ZNF100: variants seen among roughly 807,000 people sequenced by gnomAD.
ZNF100 encodes the protein zinc finger protein 100 (Y1).
Under a neutral mutation model 15.8 loss-of-function variants are expected in ZNF100, and 12 were observed. The ratio of observed to expected loss-of-function variants is 0.76; its 90% CI spans 0.49 to 1.23. The LOEUF (loss-of-function observed/expected upper bound fraction) is 1.23. ZNF100 is among the 50% of genes most tolerant of loss of function. ZNF100 has a pLI of 0.00. For synonymous variants in ZNF100, 226 were observed against 214.8 expected (o/e 1.05, Z -0.45); for missense variants, 670 against 635.6 (o/e 1.05, Z -0.58).
At chr19:21,752,120 T>C (rs771852254) in intron 2 of ZNF100, 2 of 174,558 alleles carry the variant, frequency 1.1e-5, no homozygotes, top group Non-Finnish European at 2.4e-5. Flanking sequence ...CACTCTTCTG[T>C]CCTTTTTAAT....
At chr19:21,743,853 C>CAAA (rs55874930) in intron 4 of ZNF100, among the ~76,000 whole-genome samples, 164 bp downstream of exon 4, 16 of 96,626 alleles carry the variant, frequency 1.7e-4, no homozygotes, top group African/African-American at 5.7e-4. Flanking sequence ...ACGTGACAGC[C>CAAA]AAAAAAAAAA....
At chr19:21,751,898 C>G (rs891091053) in intron 2 of ZNF100, 13 of 610,844 alleles carry the variant, frequency 2.1e-5, no homozygotes, top group East Asian at 1.3e-4. Flanking sequence ...GTATTCAGCA[C>G]TCTAAAGCCA....
At chr19:21,734,283 G>A (rs948977250) in intron 4 of ZNF100, among the ~76,000 whole-genome samples, 4 of 151,832 alleles carry the variant, frequency 2.6e-5, no homozygotes, top group African/African-American at 7.2e-5. Context: ...AATGAAGCAT[G>A]TTCTAACCCA....
chr19:21,751,347 C>G lies in ZNF100; in HGVS notation c.97-6280G>C, dbSNP rs2036303724. The G allele has an allele frequency of 3.4e-5, 28 of 829,026 alleles. No homozygotes were observed. In the East Asian group the frequency reaches 6.8e-4, roughly 20 times the overall value. The allele number at this position is 829,026 out of a possible 1,614,324, so 51.4% of individuals were successfully genotyped here. On this transcript the variant is annotated intron_variant, in intron 2 of 4. Coordinates refer to ENST00000358296, the MANE Select transcript of ZNF100 (RefSeq NM_173531.4). The stretch of plus-strand genomic sequence containing the variant: ...TCCCTGGATATTTTTGATGAGAGAT[C>G]ACATCCCCTCACACGAGAAAAAGTT...
At chr19:21,733,893 C>CT (rs1318718097) in intron 4 of ZNF100, among the ~76,000 whole-genome samples, 2 of 152,282 alleles carry the variant, frequency 1.3e-5, no homozygotes, top group Non-Finnish European at 1.5e-5. Context: ...ACACACTCCA[C>CT]TGGTGACACC....
chr19:21,735,230 G>C (rs1449545721), intron 4 of ZNF100, among the ~76,000 whole-genome samples: 5 of 152,084 alleles, frequency 3.3e-5, no homozygotes. Context: ...TGGACTGAAT[G>C]CTCCAATTAA....
intron 2 of ZNF100, chr19:21,751,517 G>A (rs1272131715): frequency 9.0e-6 from 10 of 1,112,228 alleles, no homozygotes; most frequent in Non-Finnish European, 1.4e-5. Context: ...TGCTGAAATC[G>A]ACATTTGCCC....
chr19:21,767,400 T>A, intron 1 of ZNF100, 27 bp downstream of exon 1: 1 of 1,608,646 alleles, frequency 6.2e-7, no homozygotes, highest in Non-Finnish European at 8.5e-7. Context: ...TCGCCGTCTC[T>A]CGGGATGTCG....
chr19:21,761,283 A>G (rs1430017690), intron 2 of ZNF100, among the ~76,000 whole-genome samples: 2 of 152,230 alleles, frequency 1.3e-5, no homozygotes, highest in Non-Finnish European at 2.9e-5. Flanking sequence ...TGTGAAAAAA[A>G]TTTGGAAAAT....
chr19:21,727,567 TAAGGGTTGAG>T lies in ZNF100; in HGVS notation c.735_744del (p.Phe245LeufsTer34). On this transcript the variant is annotated frameshift_variant, in exon 5 of 5. Coordinates refer to ENST00000358296, the MANE Select transcript of ZNF100 (RefSeq NM_173531.4). LOFTEE classifies it low-confidence loss of function (END_TRUNC). ...CCAGTATGAATTCTCCTGTGTGTAG[TAAGGGTTGAG>T]AACCAGTTGAAGGCTTTGCCACAAT... is the stretch of plus-strand genomic sequence containing the variant. The T allele has an allele frequency of 6.2e-7, 1 of 1,613,868 alleles. No homozygotes were observed. Among genetic ancestry groups the T allele is most frequent in the Non-Finnish European group, 8.5e-7 (1 of 1,179,852 alleles).
chr19:21,726,545 A>C lies in ZNF100; in HGVS notation c.*138T>G. The C allele has an allele frequency of 3.7e-6, 3 of 804,582 alleles. No homozygotes were observed. The highest frequency in any genetic ancestry group is 5.7e-6 in the Non-Finnish European group (3 of 527,890). The allele number at this position is 804,582 out of a possible 1,614,324, so 49.8% of individuals were successfully genotyped here. On this transcript the variant is annotated 3_prime_UTR_variant, in exon 5 of 5. Transcript: ENST00000358296. ...TTTGTAGAATTTCTCTCTAGTATGA[A>C]TTATCTTATGTCTGTTAGGAATTGA... is the stretch of plus-strand genomic sequence containing the variant.
At chr19:21,755,301 C>A (rs1275140207) in intron 2 of ZNF100, among the ~76,000 whole-genome samples, 1 of 142,698 alleles carries the variant, frequency 7.0e-6, no homozygotes, top group Non-Finnish European at 1.5e-5. Context: ...GAGTGAAAGT[C>A]CGTCTCAAGA....
rs890819918 is a variant in ZNF100 at position 21,725,731 on chromosome 19, T to A, written c.*952A>T. The A allele has an allele frequency of 2.0e-5, 3 of 152,122 alleles. No homozygotes were observed. Among genetic ancestry groups the A allele is most frequent in the Non-Finnish European group, 2.9e-5 (2 of 67,970 alleles). 9.4% of individuals were successfully genotyped at this position (152,122 alleles called of 1,614,324 possible). ...CTTTGAATGCAATAACTGCAAAAAA[T>A]TTCTACTTTTAAAGTTATATACAAA... On this transcript the variant is annotated 3_prime_UTR_variant, in exon 5 of 5. Coordinates refer to ENST00000358296, the MANE Select transcript of ZNF100 (RefSeq NM_173531.4).
At chr19:21,744,229 C>T in intron 3 of ZNF100, 114 bp from the exon 4 acceptor site, 1 of 962,586 alleles carries the variant, frequency 1.0e-6, no homozygotes, top group Non-Finnish European at 1.4e-6. Flanking sequence ...TCCTAACGTA[C>T]TAATTAATGA....
intron 2 of ZNF100, among the ~76,000 whole-genome samples, chr19:21,759,809 T>C (rs1344119536): frequency 1.3e-5 from 2 of 152,208 alleles, no homozygotes; most frequent in African/African-American, 4.8e-5. Flanking sequence ...ACTTCTTGTT[T>C]ACCATAAAAT....
At chr19:21,752,491 A>G (rs148973247) in intron 2 of ZNF100, 27 of 152,776 alleles carry the variant, frequency 1.8e-4, no homozygotes, top group Non-Finnish European at 3.5e-4. Context: ...AAGCTGATGG[A>G]TAACATTTGT....
At chr19:21,743,257 C>T (rs1254955727) in intron 4 of ZNF100, 4 of 151,980 alleles carry the variant, frequency 2.6e-5, no homozygotes, top group Non-Finnish European at 5.9e-5. Flanking sequence ...AAAGATATAT[C>T]AATGAAATAA....
At chr19:21,742,366 TTTTC>T (rs2036127150) in intron 4 of ZNF100, among the ~76,000 whole-genome samples, 1 of 132,570 alleles carries the variant, frequency 7.5e-6, no homozygotes, top group Admixed American at 9.1e-5. Context: ...AACCATTAAT[TTTTC>T]TTTTTCTTTT....
intron 3 of ZNF100, 54 bp downstream of exon 3, chr19:21,744,887 A>C: frequency 6.3e-7 from 1 of 1,580,136 alleles, no homozygotes. Context: ...CATTCCACAA[A>C]AAAAGAGAAA....
Sources: gnomAD v4.1 joint callset for allele counts (sites outside exome capture counted in the v4.1 genomes callset) on GRCh38, gnomAD v4.1.1 for gene constraint, MANE v1.5 for transcripts, NCBI Gene and HGNC (gene_info 2026-07-23, HGNC 2026-07-21) for gene names.